The following LDB2 variants were observed in gnomAD, a reference collection of about 807,000 sequenced individuals.
LDB2 encodes the protein LIM domain-binding protein 2.
Under a neutral mutation model 44.3 loss-of-function variants are expected in LDB2, and 12 were observed. The observed-to-expected ratio is 0.27, with a 90% CI of 0.17 to 0.44. LDB2 has a LOEUF of 0.44. Ranked by LOEUF, LDB2 falls within the 20% of genes least tolerant of loss-of-function variation. The probability of loss-of-function intolerance (pLI) is 1.00; values close to 1 mark genes in which losing one functional copy is unlikely to be tolerated. For missense variants in LDB2, 344 were observed against 473.5 expected, an observed-to-expected ratio of 0.73 and a Z score of 2.54; for synonymous variants, 164 against 174.8, an observed-to-expected ratio of 0.94 and a Z score of 0.49.
intron 2 of LDB2, among the ~76,000 whole-genome samples, chr4:16,674,879 T>G (rs545003787): frequency 6.6e-6 from 1 of 152,228 alleles, no homozygotes; most frequent in Non-Finnish European, 1.5e-5. Context: ...GGGAGTATAC[T>G]TGGCTTCTGT....
intron 1 of LDB2, among the ~76,000 whole-genome samples, chr4:16,851,652 C>A (rs143556898): frequency 2.2e-3 from 333 of 151,336 alleles, no homozygotes; most frequent in African/African-American, 7.1e-3. Context: ...CAGGTAAACA[C>A]AAAAGATGTC....
intron 2 of LDB2, among the ~76,000 whole-genome samples, chr4:16,719,414 C>A (rs1029080518): frequency 6.6e-6 from 1 of 152,028 alleles, no homozygotes; most frequent in African/African-American, 2.4e-5. Flanking sequence ...TTTACTATGT[C>A]CGTTCCACAG....
intron 2 of LDB2, among the ~76,000 whole-genome samples, chr4:16,731,194 T>C (rs752833222): frequency 3.9e-5 from 6 of 152,076 alleles, no homozygotes; most frequent in Non-Finnish European, 7.4e-5. Flanking sequence ...AGAACTGGAA[T>C]GGAATGGAAT....
Position 16,502,694 on chromosome 4 carries a change from G to A in LDB2, c.1071C>T (p.Pro357=), listed in dbSNP as rs762260451. The change falls in exon 8 of 8, where the codon CCC becomes CCT. Residue 357 remains proline, a synonymous_variant. Transcript: ENST00000304523. ...GNNSPWNSKP[P]ATQETKSENP... ...TTTCTGATTTGGTCTCTTGAGTGGC[G>A]GGAGGTTTACTGTTCCACGGGCTGT... 6.9e-5 allele frequency: 111 copies of A among 1,613,788 alleles called. No individual in the cohort carries two copies. Among genetic ancestry groups the A allele is most frequent in the Non-Finnish European group, 9.2e-5 (108 of 1,179,882 alleles).
chr4:16,793,979 A>C (rs1288945625), intron 1 of LDB2, among the ~76,000 whole-genome samples: 2 of 152,168 alleles, frequency 1.3e-5, no homozygotes, highest in African/African-American at 4.8e-5. Context: ...GTAATGTCTT[A>C]GATTTACCAG....
chr4:16,865,188 G>T (rs1175607500), intron 1 of LDB2, among the ~76,000 whole-genome samples: 1 of 152,114 alleles, frequency 6.6e-6, no homozygotes, highest in Non-Finnish European at 1.5e-5. Flanking sequence ...GGGGGTGGAG[G>T]TTGCAGTAAG....
At chr4:16,549,392 G>C (rs978781283) in intron 5 of LDB2, among the ~76,000 whole-genome samples, 1 of 152,154 alleles carries the variant, frequency 6.6e-6, no homozygotes, top group Non-Finnish European at 1.5e-5. Flanking sequence ...TAGGAAAATA[G>C]GAAGAGACTC....
intron 1 of LDB2, among the ~76,000 whole-genome samples, chr4:16,875,933 T>G (rs1561511471): frequency 6.6e-6 from 1 of 152,150 alleles, no homozygotes; most frequent in Non-Finnish European, 1.5e-5. Context: ...ATAGCAGGCA[T>G]TATAGGAAGT....
At chr4:16,832,942 T>C (rs1035907314) in intron 1 of LDB2, among the ~76,000 whole-genome samples, 9 of 152,226 alleles carry the variant, frequency 5.9e-5, no homozygotes, top group African/African-American at 1.7e-4. Context: ...TAACTTAATA[T>C]TTACTGAGTG....
intron 1 of LDB2, among the ~76,000 whole-genome samples, chr4:16,850,962 G>GTGTGTGTGTGTGTT (rs2110183321): frequency 6.6e-6 from 1 of 151,766 alleles, no homozygotes; most frequent in East Asian, 2.0e-4. Flanking sequence ...GTGTGTGTGT[G>GTGTGTGTGTGTGTT]TGTGTGTGTG....
At chr4:16,757,974 C>T (rs190992873) in intron 2 of LDB2, among the ~76,000 whole-genome samples, 4 of 81,724 alleles carry the variant, frequency 4.9e-5, no homozygotes, top group Admixed American at 2.4e-4. Context: ...CTTAAAAGTC[C>T]GTGAGACACA....
intron 1 of LDB2, among the ~76,000 whole-genome samples, chr4:16,764,257 C>T (rs1768667440): frequency 6.6e-6 from 1 of 152,104 alleles, no homozygotes; most frequent in African/African-American, 2.4e-5. Context: ...ACCCTTTTTC[C>T]CACCTTCACA....
intron 5 of LDB2, among the ~76,000 whole-genome samples, chr4:16,539,390 G>A (rs1262353642): frequency 6.6e-6 from 1 of 152,172 alleles, no homozygotes; most frequent in Non-Finnish European, 1.5e-5. Context: ...CAAGGAAAAA[G>A]GAGAGACATG....
chr4:16,772,661 A>G (rs1426007440), intron 1 of LDB2, among the ~76,000 whole-genome samples: 1 of 152,232 alleles, frequency 6.6e-6, no homozygotes, highest in Non-Finnish European at 1.5e-5. Flanking sequence ...AAAGGACATA[A>G]TCCAAAAATA....
In LDB2 at chr4:16,526,090, T is replaced by C. The variant is rs544421494; in HGVS notation, c.616-13986A>G. The stretch of plus-strand genomic sequence containing the variant: ...ACCTAAAATCCTGGTAAAGTGGTAT[T>C]TCTGGGTATGTCCGAGAGGTTGTTT... On this transcript the variant is annotated intron_variant, in intron 5 of 7. Coordinates refer to ENST00000304523, the MANE Select transcript of LDB2 (RefSeq NM_001290.5). Among the ~76,000 whole-genome samples the C allele has an allele frequency of 9.2e-5, 14 of 152,330 alleles. No homozygotes were observed. The East Asian group carries it at 2.5e-3, about 27-fold the overall frequency.
chr4:16,660,634 T>A (rs750477292), intron 2 of LDB2, among the ~76,000 whole-genome samples: 1 of 152,192 alleles, frequency 6.6e-6, no homozygotes, highest in Non-Finnish European at 1.5e-5. Flanking sequence ...GAGGTAGACA[T>A]CAAGACTTTA....
intron 1 of LDB2, among the ~76,000 whole-genome samples, chr4:16,796,833 T>C (rs1010914147): frequency 6.6e-6 from 1 of 152,172 alleles, no homozygotes; most frequent in Admixed American, 6.5e-5. Context: ...CACCCCTGTC[T>C]AATCATGAGA....
At chr4:16,732,109 A>T (rs1382739940) in intron 2 of LDB2, among the ~76,000 whole-genome samples, 2 of 152,186 alleles carry the variant, frequency 1.3e-5, no homozygotes, top group African/African-American at 4.8e-5. Context: ...TATGGATTTG[A>T]ACCTGCTGCA....
At chr4:16,775,272 ACGGT>A (rs1486715556) in intron 1 of LDB2, among the ~76,000 whole-genome samples, 2 of 152,206 alleles carry the variant, frequency 1.3e-5, no homozygotes, top group Non-Finnish European at 2.9e-5. Context: ...AGTGGCAGAG[ACGGT>A]CCCAAAGCCA....
Sources: allele counts gnomAD v4.1 joint callset (sites outside exome capture counted in the v4.1 genomes callset), GRCh38; gene constraint gnomAD v4.1.1; transcripts MANE v1.5; gene names NCBI Gene and HGNC (gene_info 2026-07-23, HGNC 2026-07-21).